The following NECAB2 variants were observed in gnomAD, a reference collection of about 807,000 sequenced individuals.
The protein encoded by NECAB2 is N-terminal EF-hand calcium-binding protein 2.
NECAB2 carries 68 observed loss-of-function variants against 51.9 expected under a neutral mutation model. That is an observed-to-expected ratio of 1.31 (90% CI 1.08 to 1.60). The LOEUF is 1.60. Among genes scored for constraint, NECAB2 ranks in the 40% most tolerant of loss-of-function variants. NECAB2 has a pLI of 0.00. For synonymous variants in NECAB2, 329 were observed against 203.5 expected (o/e 1.62, Z -5.25); for missense variants, 854 against 490.3 (o/e 1.74, Z -7.00).
chr16:83,972,240 G>T, intron 2 of NECAB2, 65 bp downstream of exon 2: 1 of 1,609,126 alleles, frequency 6.2e-7, no homozygotes. Context: ...ATGGGGAAGG[G>T]ATCAGGGATA....
At chr16:83,969,409 C>G (rs1312032376) in intron 1 of NECAB2, among the ~76,000 whole-genome samples, 1 of 152,130 alleles carries the variant, frequency 6.6e-6, no homozygotes, top group African/African-American at 2.4e-5. Flanking sequence ...GTCTTCTCGT[C>G]TCCTTTCCAT....
At chr16:83,986,413 A>G (rs1293860796) in intron 5 of NECAB2, among the ~76,000 whole-genome samples, 1 of 152,234 alleles carries the variant, frequency 6.6e-6, no homozygotes, top group Non-Finnish European at 1.5e-5. Flanking sequence ...ATAGGTAAAT[A>G]GCAATTCCGA....
intron 1 of NECAB2, chr16:83,971,648 G>A (rs2250811): frequency 0.11 from 17,812 of 160,686 alleles, 1,736 homozygotes; most frequent in African/African-American, 0.26. Context: ...CAAAATTAAC[G>A]CAGTCCTGCC....
intron 2 of NECAB2, 150 bp downstream of exon 2, chr16:83,972,325 G>C: frequency 1.8e-6 from 2 of 1,123,114 alleles, no homozygotes; most frequent in Non-Finnish European, 2.6e-6. Context: ...TCCTGCTGCT[G>C]CTCTGTGCCT....
chr16:83,990,431 G>A (rs541709503), intron 5 of NECAB2, 63 bp from the exon 6 acceptor site: 1 of 1,590,314 alleles, frequency 6.3e-7, no homozygotes, highest in African/African-American at 1.3e-5. Flanking sequence ...TCCTGTGCTA[G>A]ACCCCACCTC....
intron 6 of NECAB2, among the ~76,000 whole-genome samples, chr16:83,993,189 A>G (rs1228758531): frequency 6.6e-6 from 1 of 152,060 alleles, no homozygotes; most frequent in East Asian, 1.9e-4. Context: ...GTCTCCCAGG[A>G]TGTCACCTCT....
At chr16:83,988,715 G>A (rs1404495382) in intron 5 of NECAB2, among the ~76,000 whole-genome samples, 1 of 152,138 alleles carries the variant, frequency 6.6e-6, no homozygotes, top group Non-Finnish European at 1.5e-5. Flanking sequence ...CAGGTTTCTG[G>A]AGATCTCCCA....
Position 83,976,954 on chromosome 16 carries a change from C to T in NECAB2, c.227-1490C>T, listed in dbSNP as rs554734153. 5.3e-5 allele frequency among the ~76,000 whole-genome samples: 8 copies of T among 152,352 alleles called. No homozygotes were observed. The South Asian group carries it at 6.2e-4, about 12-fold the overall frequency. ...GAATGACTCATTCTCAACCCAAGTACGTCTGCCATGTCGGGTTAGGCAGGT... is the reference window on the plus strand; with the variant it reads ...GAATGACTCATTCTCAACCCAAGTATGTCTGCCATGTCGGGTTAGGCAGGT... On this transcript the variant is annotated intron_variant, in intron 2 of 12. Coordinates refer to ENST00000305202, the MANE Select transcript of NECAB2 (RefSeq NM_019065.3).
intron 1 of NECAB2, among the ~76,000 whole-genome samples, chr16:83,969,724 G>A (rs1190753137): frequency 6.6e-6 from 1 of 152,190 alleles, no homozygotes; most frequent in Non-Finnish European, 1.5e-5. Flanking sequence ...AGGTGGAGGA[G>A]GCTTCTGGGG....
chr16:83,975,872 G>T (rs1208059718), intron 2 of NECAB2, among the ~76,000 whole-genome samples: 1 of 152,192 alleles, frequency 6.6e-6, no homozygotes, highest in Non-Finnish European at 1.5e-5. Flanking sequence ...GGCCCGCTTG[G>T]CCTGTCTAAT....
At chr16:83,969,675 G>A (rs1213439286) in intron 1 of NECAB2, among the ~76,000 whole-genome samples, 2 of 149,246 alleles carry the variant, frequency 1.3e-5, no homozygotes, top group East Asian at 2.0e-4. Context: ...GGGGCGGCTC[G>A]GAGGAGGAGG....
rs373183389 is a variant in NECAB2, at chr16:83,981,592, A to G, written c.459+465A>G. 5.9e-5 allele frequency among the ~76,000 whole-genome samples: 9 copies of G among 152,212 alleles called. No homozygotes were observed. The South Asian group carries it at 1.0e-3, about 18-fold the overall frequency. On this transcript the variant is annotated intron_variant, in intron 5 of 12. Transcript: ENST00000305202. The stretch of plus-strand genomic sequence containing the variant: ...CCTATGGGTGGTTGCTGTCACCTCC[A>G]CTATCTCACAGCTATGGAAACAGAG...
chr16:83,980,716 T>C, intron 3 of NECAB2, 123 bp from the exon 4 acceptor site: 2 of 1,325,148 alleles, frequency 1.5e-6, no homozygotes, highest in Admixed American at 2.0e-5. Context: ...AAGGCGGAGC[T>C]TGTGGGGCCA....
At chr16:83,970,665 A>G (rs1333247919) in intron 1 of NECAB2, among the ~76,000 whole-genome samples, 2 of 152,154 alleles carry the variant, frequency 1.3e-5, no homozygotes, top group Non-Finnish European at 2.9e-5. Flanking sequence ...ACCTGGCCCC[A>G]GCAGCCCTCC....
chr16:83,987,050 A>G (rs2151092890), intron 5 of NECAB2, among the ~76,000 whole-genome samples: 1 of 152,238 alleles, frequency 6.6e-6, no homozygotes, highest in East Asian at 1.9e-4. Flanking sequence ...AAAACATAAA[A>G]CCCAACTTTC....
At chr16:84,001,003 C>T (rs923455960) in intron 11 of NECAB2, among the ~76,000 whole-genome samples, 3 of 152,084 alleles carry the variant, frequency 2.0e-5, no homozygotes, top group African/African-American at 4.8e-5. Context: ...GCCCCCACCA[C>T]ACTCAGCTGG....
In NECAB2 at chr16:84,000,906, G is replaced by C. The variant is rs558161388; in HGVS notation, c.1040+105G>C. 7 of 1,144,774 alleles carry C rather than the reference G, an allele frequency of 6.1e-6. No individual in the cohort carries two copies. In the Admixed American group the frequency reaches 7.5e-5, roughly 12 times the overall value. The allele number at this position is 1,144,774 out of a possible 1,614,324, so 70.9% of individuals were successfully genotyped here. A position where few individuals can be genotyped will look rare whatever the true frequency, so the allele number is the denominator to read the frequency against. On this transcript the variant is annotated intron_variant, in intron 11 of 12. Transcript: ENST00000305202. Reference sequence around the variant, plus strand: ...GGAGGGGAGGGTAAGGCCGAGTCCAGTCAGCAGATTCCCGAGGCATCTACC... The same window carrying C: ...GGAGGGGAGGGTAAGGCCGAGTCCACTCAGCAGATTCCCGAGGCATCTACC...
chr16:83,981,413 GT>G (rs2084487729), intron 5 of NECAB2, among the ~76,000 whole-genome samples: 2 of 147,454 alleles, frequency 1.4e-5, no homozygotes, highest in South Asian at 2.1e-4. Flanking sequence ...CCCTTAAGGG[GT>G]CCCCAGACAG....
chr16:84,001,917 G>A lies in NECAB2; in HGVS notation c.1132+1G>A. On this transcript the variant is annotated splice_donor_variant, in intron 12 of 12. Coordinates refer to ENST00000305202, the MANE Select transcript of NECAB2 (RefSeq NM_019065.3). LOFTEE classifies it high-confidence loss of function. ...GCCCTCTCCAGGATCTTGGTGCCAG[G>A]TAGGGGGCAAAGGCCTGGAACTGCA... 5.6e-6 allele frequency: 9 copies of A among 1,613,822 alleles called. No homozygotes were observed. Among genetic ancestry groups the A allele is most frequent in the African/African-American group, 1.3e-5 (1 of 74,988 alleles).
Sources: gnomAD v4.1 joint callset for allele counts (sites outside exome capture counted in the v4.1 genomes callset) on GRCh38, gnomAD v4.1.1 for gene constraint, MANE v1.5 for transcripts, NCBI Gene and HGNC (gene_info 2026-07-23, HGNC 2026-07-21) for gene names.